The following OPRM1 variants were observed in gnomAD, a reference collection of about 807,000 sequenced individuals.
OPRM1 encodes the protein mu-type opioid receptor.
OPRM1 carries 27 observed loss-of-function variants against 31.8 expected under a neutral mutation model. The ratio of observed to expected loss-of-function variants is 0.85; its 90% CI spans 0.63 to 1.17. The LOEUF (loss-of-function observed/expected upper bound fraction) is 1.17, where lower values mean the gene tolerates loss of function less well. Ranked by LOEUF, OPRM1 falls within the 50% of genes most tolerant of loss-of-function variation. OPRM1 has a pLI of 0.00. For missense variants in OPRM1, 536 were observed against 511.1 expected, an observed-to-expected ratio of 1.05 and a Z score of -0.47; for synonymous variants, 196 against 189.9, an observed-to-expected ratio of 1.03 and a Z score of -0.26.
At chr6:154,066,547 C>T (rs1328617946) in intron 1 of OPRM1, among the ~76,000 whole-genome samples, 1 of 150,764 alleles carries the variant, frequency 6.6e-6, no homozygotes, top group Non-Finnish European at 1.5e-5. Context: ...TTTGTTGAAA[C>T]CCTAACTTTG....
At chr6:154,015,412 A>G (rs1294090) in intron 1 of OPRM1, among the ~76,000 whole-genome samples, 53,470 of 151,952 alleles carry the variant, frequency 0.35, 9,834 homozygotes, top group Admixed American at 0.51. Context: ...AACTGAAAAG[A>G]TGAACTTTTT....
At chr6:154,237,840 A>G (rs895971423) in intron 3 of OPRM1, among the ~76,000 whole-genome samples, 3 of 151,066 alleles carry the variant, frequency 2.0e-5, no homozygotes, top group Non-Finnish European at 4.4e-5. Context: ...ATATGTTAAT[A>G]TTTATACACA....
intron 3 of OPRM1, among the ~76,000 whole-genome samples, chr6:154,095,404 A>C (rs1259931460): frequency 6.6e-6 from 1 of 152,218 alleles, no homozygotes; most frequent in East Asian, 1.9e-4. Context: ...GAGATGTGGC[A>C]GGCATGACCC....
chr6:154,241,330 T>C (rs200368970), intron 3 of OPRM1, among the ~76,000 whole-genome samples: 7 of 151,680 alleles, frequency 4.6e-5, no homozygotes, highest in Admixed American at 2.6e-4. Context: ...TTCCTTGAAC[T>C]GGTGATGCAA....
At chr6:154,210,484 TCAA>T (rs1777875475) in intron 3 of OPRM1, among the ~76,000 whole-genome samples, 1 of 152,008 alleles carries the variant, frequency 6.6e-6, no homozygotes. Context: ...CTCTCTTAAA[TCAA>T]CAACAAGGAA....
At chr6:154,072,829 A>T (rs969528492) in intron 1 of OPRM1, among the ~76,000 whole-genome samples, 18 of 152,166 alleles carry the variant, frequency 1.2e-4, no homozygotes, top group Non-Finnish European at 2.2e-4. Flanking sequence ...CCCAATTCTA[A>T]TCCCAGAATG....
At chr6:154,225,125 T>G (rs1779152994) in intron 3 of OPRM1, among the ~76,000 whole-genome samples, 1 of 152,214 alleles carries the variant, frequency 6.6e-6, no homozygotes, top group Admixed American at 6.5e-5. Context: ...GATATTTGCA[T>G]ATACAAACAA....
exon 1 of OPRM1, chr6:154,010,801 G>C: frequency 1.4e-6 from 2 of 1,408,624 alleles, no homozygotes; most frequent in Non-Finnish European, 1.8e-6. Context: ...GAACTGGGCT[G>C]CTCTGAGATG....
Position 154,238,919 on chromosome 6 carries a change from G to GT in OPRM1, c.1165-7772dup, listed in dbSNP as rs202069850. ...AAAGTAAAAAGTTGGATTCTATATT[G>GT]TTGTTTTTTTTAAAAAAAAAAAGAA... On this transcript the variant is annotated intron_variant, in intron 3 of 3. Transcript: ENST00000337049. Among the ~76,000 whole-genome samples the GT allele has an allele frequency of 3.3e-3, 493 of 147,770 alleles. 8 individuals are homozygous for GT. Among genetic ancestry groups the GT allele is most frequent in the African/African-American group, 0.012 (463 of 39,888 alleles).
At chr6:154,223,921 T>C (rs948325326) in intron 3 of OPRM1, among the ~76,000 whole-genome samples, 2 of 152,242 alleles carry the variant, frequency 1.3e-5, no homozygotes, top group Admixed American at 1.3e-4. Flanking sequence ...ATTATATTTA[T>C]GAGGACGTAG....
rs143603050 is a variant in OPRM1, at chr6:154,199,859, G to A, written c.1165-46834G>A. 1.9e-5 allele frequency: 30 copies of A among 1,614,178 alleles called. No individual in the cohort carries two copies. In the South Asian group the frequency reaches 1.9e-4, roughly 10 times the overall value. Reference sequence around the variant, plus strand: ...AGGTGAATGAACTTGCACAGCAAACGTTATTGGTTGTCCCTCATCTTCAGC... The same window carrying A: ...AGGTGAATGAACTTGCACAGCAAACATTATTGGTTGTCCCTCATCTTCAGC... On this transcript the variant is annotated intron_variant, in intron 3 of 3. Coordinates refer to the OPRM1 transcript ENST00000337049.
intron 1 of OPRM1, among the ~76,000 whole-genome samples, chr6:154,028,280 A>G (rs1778813742): frequency 6.6e-6 from 1 of 152,118 alleles, no homozygotes; most frequent in Non-Finnish European, 1.5e-5. Flanking sequence ...GTCATCCAGG[A>G]GCTACAGCCT....
At chr6:154,108,996 A>T in intron 3 of OPRM1, 1 of 984,918 alleles carries the variant, frequency 1.0e-6, no homozygotes, top group Non-Finnish European at 1.2e-6. Context: ...GACCAGCAAT[A>T]TGATGATAAA....
At chr6:154,214,253 GC>G in intron 3 of OPRM1, 1 of 1,611,124 alleles carries the variant, frequency 6.2e-7, no homozygotes, top group East Asian at 2.2e-5. Flanking sequence ...ATGGATTACA[GC>G]CGATCCAAGT....
At chr6:154,044,782 A>G (rs1780783344) in intron 1 of OPRM1, among the ~76,000 whole-genome samples, 1 of 152,256 alleles carries the variant, frequency 6.6e-6, no homozygotes, top group Admixed American at 6.5e-5. Flanking sequence ...TTGAACATCT[A>G]ATAGGATCTC....
At chr6:154,028,558 T>C (rs1254416021) in intron 1 of OPRM1, among the ~76,000 whole-genome samples, 1 of 152,178 alleles carries the variant, frequency 6.6e-6, no homozygotes, top group Non-Finnish European at 1.5e-5. Context: ...GTGGCCTAGA[T>C]AGTCTTTTGA....
At chr6:154,018,719 C>G (rs1463138129) in intron 1 of OPRM1, among the ~76,000 whole-genome samples, 2 of 152,148 alleles carry the variant, frequency 1.3e-5, no homozygotes, top group South Asian at 2.1e-4. Flanking sequence ...CTACTATCCC[C>G]TGACCCAGGA....
At chr6:154,212,667 C>T in intron 3 of OPRM1, 1 of 734,958 alleles carries the variant, frequency 1.4e-6, no homozygotes, top group Non-Finnish European at 2.3e-6. Context: ...TTAATTTAGC[C>T]CATTCTAAAA....
chr6:154,028,652 C>T (rs1778837973), intron 1 of OPRM1, among the ~76,000 whole-genome samples: 2 of 152,180 alleles, frequency 1.3e-5, no homozygotes, highest in Admixed American at 6.6e-5. Flanking sequence ...ATTAGTGATT[C>T]CCCTCTGGCT....
Sources: allele counts gnomAD v4.1 joint callset (sites outside exome capture counted in the v4.1 genomes callset), GRCh38; gene constraint gnomAD v4.1.1; transcripts MANE v1.5; gene names NCBI Gene and HGNC (gene_info 2026-07-23, HGNC 2026-07-21).